The following VWA7 variants were observed in gnomAD, a reference collection of about 807,000 sequenced individuals.
The protein encoded by VWA7 is von Willebrand factor A domain-containing protein 7.
Under a neutral mutation model 83.1 loss-of-function variants are expected in VWA7, and 66 were observed. That is an observed-to-expected ratio of 0.79 (90% confidence interval 0.65 to 0.98). VWA7 has a LOEUF of 0.98. VWA7 is among the 50% of genes least tolerant of loss of function. VWA7 has a pLI of 0.00. For synonymous variants in VWA7, 424 were observed against 488.5 expected, an observed-to-expected ratio of 0.87 and a Z score of 1.74; for missense variants, 1,080 against 1,160.2, an observed-to-expected ratio of 0.93 and a Z score of 1.00.
Position 31,773,619 on chromosome 6 carries a change from G to T in VWA7, c.722-182C>A, listed in dbSNP as rs546485849. 6.6e-6 allele frequency among the ~76,000 whole-genome samples: 1 copy of T among 152,218 alleles called. No homozygotes were observed. Among genetic ancestry groups the T allele is most frequent in the Admixed American group, 6.5e-5 (1 of 15,288 alleles). On this transcript the variant is annotated intron_variant, in intron 5 of 16. Coordinates refer to ENST00000375688, the MANE Select transcript of VWA7 (RefSeq NM_025258.3). This position sits in a 1 kb window ranked among gnomAD's most constrained non-coding sequence, Gnocchi z 5.3. Reference sequence around the variant, plus strand: ...CCCAGCGCTTTGGGAGGCCGAGGCCGGCAGATCATCTGAGATCAGGAGTTC... The same window carrying T: ...CCCAGCGCTTTGGGAGGCCGAGGCCTGCAGATCATCTGAGATCAGGAGTTC...
At chr6:31,770,621 GGGGCAGGGCA>G (rs1335857598) in intron 7 of VWA7, among the ~76,000 whole-genome samples, 1 of 150,808 alleles carries the variant, frequency 6.6e-6, no homozygotes, top group African/African-American at 2.4e-5. Flanking sequence ...GGGGCAGGGC[GGGGCAGGGCA>G]GGGCAGACCT....
chr6:31,771,060 A>G (rs1812138551), intron 7 of VWA7, among the ~76,000 whole-genome samples: 1 of 151,684 alleles, frequency 6.6e-6, no homozygotes. Context: ...GGGTTTCCTC[A>G]TAAGAAAAGA....
intron 7 of VWA7, among the ~76,000 whole-genome samples, chr6:31,772,006 A>G (rs891792282): frequency 2.6e-5 from 4 of 151,536 alleles, no homozygotes; most frequent in Non-Finnish European, 5.9e-5. Context: ...AAAAAAAAAA[A>G]AAAAAAAAAA....
Position 31,776,720 on chromosome 6 carries a change from C to A in VWA7, c.60G>T (p.Gln20His), listed in dbSNP as rs932245291. ...HPGPSALLLL[Q>H]LLLPPTSAFF... is the part of the protein sequence containing the mutation. Reference sequence around the variant, plus strand: ...AGGCAGATGTGGGGGGCAGCAACAGCTGCAGCAGAAGCAACGCTGAGGGGC... The same window carrying A: ...AGGCAGATGTGGGGGGCAGCAACAGATGCAGCAGAAGCAACGCTGAGGGGC... The change falls in exon 2 of 17, where the codon CAG becomes CAT. Residue 20 changes from glutamine (Q) to histidine (H), a missense_variant. By Grantham distance (24) the Gln-to-His change is conservative. Coordinates refer to ENST00000375688, the MANE Select transcript of VWA7 (RefSeq NM_025258.3). The surrounding 1 kb of genome is among the most constrained non-coding windows in gnomAD (Gnocchi z 6.2). 21 of 1,488,422 alleles carry A rather than the reference C, an allele frequency of 1.4e-5. No individual in the cohort carries two copies. The highest frequency in any genetic ancestry group is 1.9e-5 in the Non-Finnish European group (21 of 1,113,916). The allele number at this position is 1,488,422 out of a possible 1,614,324, so 92.2% of individuals were successfully genotyped here.
At chr6:31,768,878 G>T in intron 10 of VWA7, 140 bp downstream of exon 10, 4 of 906,742 alleles carry the variant, frequency 4.4e-6, no homozygotes, top group Non-Finnish European at 6.4e-6. Flanking sequence ...ATGGATCTAA[G>T]AGGAAGAGAA....
chr6:31,766,168 G>A lies in VWA7; in HGVS notation c.2324+77C>T. On this transcript the variant is annotated intron_variant, in intron 15 of 16. Transcript: ENST00000375688. The surrounding 1 kb of genome is among the most constrained non-coding windows in gnomAD (Gnocchi z 4.9). ...GGAGGATTCTGAGGGCCAGTCGGAG[G>A]GGGACAGGGGCAGGGCTTGGGATAA... 6 of 1,593,982 alleles carry A rather than the reference G, an allele frequency of 3.8e-6. No homozygotes were observed. The highest frequency in any genetic ancestry group is 4.3e-6 in the Non-Finnish European group (5 of 1,168,728).
In VWA7 at chr6:31,776,835, C is replaced by G; in HGVS notation, c.-15-41G>C. 1.7e-6 allele frequency: 2 copies of G among 1,177,792 alleles called. No individual in the cohort carries two copies. The highest frequency in any genetic ancestry group is 2.3e-6 in the Non-Finnish European group (2 of 886,918). The allele number at this position is 1,177,792 out of a possible 1,614,324, so 73.0% of individuals were successfully genotyped here. ...CTCTCAAGGGAGGAGGAAGCAGCCG[C>G]GATTCCAGGGCAGGCCGGCTCTGCG... On this transcript the variant is annotated intron_variant, in intron 1 of 16. Transcript: ENST00000375688. The surrounding 1 kb of genome is among the most constrained non-coding windows in gnomAD (Gnocchi z 6.2).
At position 31,776,999 on chromosome 6, in the gene VWA7, A is replaced by C; in HGVS notation, c.-16+110T>G. 1 of 425,110 alleles carries C rather than the reference A, an allele frequency of 2.4e-6. No homozygotes were observed. The highest frequency in any genetic ancestry group is 4.2e-6 in the Non-Finnish European group (1 of 240,960). The allele number at this position is 425,110 out of a possible 1,614,324, so 26.3% of individuals were successfully genotyped here. A position where few individuals can be genotyped will look rare whatever the true frequency, so the allele number is the denominator to read the frequency against. ...TACACACCTGCCAGGAGAGGGGTCC[A>C]AGGTTCCTCCCCCACGCCCCCCTCC... On this transcript the variant is annotated intron_variant, in intron 1 of 16. Coordinates refer to ENST00000375688, the MANE Select transcript of VWA7 (RefSeq NM_025258.3). This position sits in a 1 kb window ranked among gnomAD's most constrained non-coding sequence, Gnocchi z 6.2.
rs1025861842 is a variant in VWA7 at position 31,773,598 on chromosome 6, G to A, written c.722-161C>T. The stretch of plus-strand genomic sequence containing the variant: ...GCGGTGGCTCACGCCTGGAATCCCA[G>A]CGCTTTGGGAGGCCGAGGCCGGCAG... On this transcript the variant is annotated intron_variant, in intron 5 of 16. Transcript: ENST00000375688. This position sits in a 1 kb window ranked among gnomAD's most constrained non-coding sequence, Gnocchi z 5.3. 9.9e-5 allele frequency among the ~76,000 whole-genome samples: 15 copies of A among 152,244 alleles called. No individual in the cohort carries two copies. Among genetic ancestry groups the A allele is most frequent in the Non-Finnish European group, 2.1e-4 (14 of 68,044 alleles).
chr6:31,767,871 G>A (rs555685005), intron 10 of VWA7, 117 bp from the exon 11 acceptor site: 52 of 1,232,132 alleles, frequency 4.2e-5, no homozygotes, highest in South Asian at 3.5e-4. Flanking sequence ...AGTTGGTCAC[G>A]CCTGTAATCC....
chr6:31,773,568 TTGGCGCGG>T lies in VWA7; in HGVS notation c.722-139_722-132del. 1.0e-6 allele frequency: 1 copy of T among 975,588 alleles called. No homozygotes were observed. The highest frequency in any genetic ancestry group is 1.9e-5 in the South Asian group (1 of 53,604). 60.4% of individuals were successfully genotyped at this position (975,588 alleles called of 1,614,324 possible). A position where few individuals can be genotyped will look rare whatever the true frequency, so the allele number is the denominator to read the frequency against. On this transcript the variant is annotated intron_variant, in intron 5 of 16. Coordinates refer to ENST00000375688, the MANE Select transcript of VWA7 (RefSeq NM_025258.3). The surrounding 1 kb of genome is among the most constrained non-coding windows in gnomAD (Gnocchi z 5.3). Reference sequence around the variant, plus strand: ...GGTTCAGCAAGAAATGATGACGGGGTTGGCGCGGTGGCTCACGCCTGGAATCCCAGCGC... The same window carrying T: ...GGTTCAGCAAGAAATGATGACGGGGTTGGCTCACGCCTGGAATCCCAGCGC...
rs1222462859 is a variant in VWA7, at chr6:31,775,919, C to T, written c.513+45G>A. On this transcript the variant is annotated intron_variant, in intron 3 of 16. Transcript: ENST00000375688. This position sits in a 1 kb window ranked among gnomAD's most constrained non-coding sequence, Gnocchi z 5.9. The stretch of plus-strand genomic sequence containing the variant: ...GGACGCGCTCCATCCCGGACAGGCA[C>T]GGAAGTGAAGACCCCTCTGACCATC... 25 of 1,563,840 alleles carry T rather than the reference C, an allele frequency of 1.6e-5. No individual in the cohort carries two copies. The highest frequency in any genetic ancestry group is 8.3e-5 in the South Asian group (7 of 84,476).
Position 31,765,752 on chromosome 6 carries a change from T to TA in VWA7, c.2517dup (p.Thr840TyrfsTer5), listed in dbSNP as rs1318121305. 6.3e-7 allele frequency: 1 copy of TA among 1,588,820 alleles called. No homozygotes were observed. The highest frequency in any genetic ancestry group is 1.1e-5 in the South Asian group (1 of 87,680). The stretch of plus-strand genomic sequence containing the variant: ...GTGAGGATCGGGTCAGATGAGCCGG[T>TA]AGGGGTGGTGTGCCGGTCCTGTGGG... On this transcript the variant is annotated frameshift_variant, in exon 17 of 17. Coordinates refer to ENST00000375688, the MANE Select transcript of VWA7 (RefSeq NM_025258.3). LOFTEE classifies it low-confidence loss of function (END_TRUNC).
At chr6:31,768,608 G>A (rs1811861145) in intron 10 of VWA7, among the ~76,000 whole-genome samples, 1 of 152,206 alleles carries the variant, frequency 6.6e-6, no homozygotes, top group Non-Finnish European at 1.5e-5. Flanking sequence ...GGAGGCCAAG[G>A]TAGGCGGATC....
chr6:31,776,184 C>T lies in VWA7; in HGVS notation c.293G>A (p.Arg98Gln), dbSNP rs193256088. The T allele has an allele frequency of 6.8e-6, 11 of 1,614,026 alleles. No individual in the cohort carries two copies. The highest frequency in any genetic ancestry group is 3.3e-5 in the South Asian group (3 of 91,058). The change falls in exon 3 of 17, where the codon CGG (arginine) becomes CAG (glutamine). Residue 98 changes from arginine to glutamine, a missense_variant. Physicochemically the swap from Arg to Gln is conservative, Grantham distance 43 (BLOSUM62 1). Coordinates refer to ENST00000375688, the MANE Select transcript of VWA7 (RefSeq NM_025258.3). The surrounding 1 kb of genome is among the most constrained non-coding windows in gnomAD (Gnocchi z 6.2). ...CTCACCTAAGGCTGCTCGGAACCGCCGAGAAGAACCAGGTCCAAAGTAGGC... is the reference window on the plus strand; with the variant it reads ...CTCACCTAAGGCTGCTCGGAACCGCTGAGAAGAACCAGGTCCAAAGTAGGC... ...FAAYFGPGSS[R>Q]RFRAALGEVS...
intron 10 of VWA7, 100 bp from the exon 11 acceptor site, chr6:31,767,854 C>T (rs707934): frequency 0.079 from 111,318 of 1,412,568 alleles, 6,884 homozygotes; most frequent in African/African-American, 0.31. Context: ...GTCATTGGGC[C>T]GGGCGCAGTT....
At position 31,767,511 on chromosome 6, in the gene VWA7, A is replaced by G; in HGVS notation, c.1640T>C (p.Val547Ala). Residue 547 changes from valine to alanine, a missense_variant, in exon 12 of 17, where the codon GTC (valine) becomes GCC (alanine). Physicochemically the swap from Val to Ala is moderately conservative, Grantham distance 64 (BLOSUM62 0). Coordinates refer to ENST00000375688, the MANE Select transcript of VWA7 (RefSeq NM_025258.3). ...SSFWIKNPAG[V>A]SQGQEEGGGP... ...CCCGCCTTCCTCCTGGCCCTGGGAG[A>G]CCCCTGGGGTCAGGGAAGAGATTGT... 1.2e-6 allele frequency: 2 copies of G among 1,607,294 alleles called. No homozygotes were observed. The highest frequency in any genetic ancestry group is 1.7e-6 in the Non-Finnish European group (2 of 1,175,144).
Position 31,773,566 on chromosome 6 carries a change from G to A in VWA7, c.722-129C>T. The A allele has an allele frequency of 1.0e-6, 1 of 974,274 alleles. No individual in the cohort carries two copies. The highest frequency in any genetic ancestry group is 1.5e-6 in the Non-Finnish European group (1 of 683,212). The allele number at this position is 974,274 out of a possible 1,614,324, so 60.4% of individuals were successfully genotyped here. ...AGGGTTCAGCAAGAAATGATGACGG[G>A]GTTGGCGCGGTGGCTCACGCCTGGA... On this transcript the variant is annotated intron_variant, in intron 5 of 16. Transcript: ENST00000375688. The surrounding 1 kb of genome is among the most constrained non-coding windows in gnomAD (Gnocchi z 5.3).
intron 7 of VWA7, among the ~76,000 whole-genome samples, chr6:31,772,484 G>C (rs1812269872): frequency 1.3e-5 from 2 of 149,882 alleles, no homozygotes; most frequent in East Asian, 2.0e-4. Context: ...CACAGTAGAG[G>C]CTCACTCGGG....
Sources: allele counts gnomAD v4.1 joint callset (sites outside exome capture counted in the v4.1 genomes callset), GRCh38; gene constraint gnomAD v4.1.1; non-coding constraint Gnocchi (gnomAD v3.1); transcripts MANE v1.5; gene names NCBI Gene and HGNC (gene_info 2026-07-23, HGNC 2026-07-21).